The following LUZP1 variants were observed in gnomAD, a reference collection of about 807,000 sequenced individuals.
LUZP1 encodes leucine zipper protein 1, also known as filamin mechanobinding actin cross-linking protein.
Under a neutral mutation model 71.3 loss-of-function variants are expected in LUZP1, and 25 were observed. The ratio of observed to expected loss-of-function variants is 0.35; its 90% confidence interval spans 0.26 to 0.49. The LOEUF (loss-of-function observed/expected upper bound fraction) is 0.49. LUZP1 is among the 20% of genes least tolerant of loss of function. The pLI, the probability that LUZP1 is intolerant of heterozygous loss-of-function variation, is 0.99. For synonymous variants in LUZP1, 481 were observed against 506.4 expected (o/e 0.95, Z 0.67); for missense variants, 1,142 against 1,300.8 (o/e 0.88, Z 1.88).
intron 2 of LUZP1, among the ~76,000 whole-genome samples, chr1:23,132,028 T>G (rs963296337): frequency 9.2e-5 from 14 of 152,038 alleles, no homozygotes; most frequent in African/African-American, 3.1e-4. Context: ...GGAGACAGAG[T>G]CCCACTATGT....
chr1:23,130,553 G>A (rs1305074708), intron 2 of LUZP1, among the ~76,000 whole-genome samples: 1 of 135,516 alleles, frequency 7.4e-6, no homozygotes, highest in Non-Finnish European at 1.5e-5. Flanking sequence ...TTTTAGAGAT[G>A]GGGTCTCACT....
intron 2 of LUZP1, among the ~76,000 whole-genome samples, chr1:23,163,486 T>C (rs1569706603): frequency 6.8e-6 from 1 of 146,258 alleles, no homozygotes; most frequent in Non-Finnish European, 1.5e-5. Context: ...AGCCCAGGAG[T>C]TCAAGGCTGC....
chr1:23,134,904 G>A (rs976107079), intron 2 of LUZP1, among the ~76,000 whole-genome samples: 2 of 152,086 alleles, frequency 1.3e-5, no homozygotes, highest in African/African-American at 4.8e-5. Context: ...GTGCCACAGC[G>A]GTTTGCTGCA....
Position 23,158,892 on chromosome 1 carries a change from G to A in LUZP1, c.-226+9874C>T, listed in dbSNP as rs570825215. Among the ~76,000 whole-genome samples the A allele has an allele frequency of 8.0e-5, 12 of 150,486 alleles. No homozygotes were observed. The East Asian group carries it at 9.7e-4, about 12-fold the overall frequency. On this transcript the variant is annotated intron_variant, in intron 2 of 4. Transcript: ENST00000302291. The stretch of plus-strand genomic sequence containing the variant: ...TGAGGCAGGAGAAGCCCTTGAACCC[G>A]GGAGACAGAGGTTGCAGTGAGCTGA...
At chr1:23,126,950 A>G (rs1644176739) in intron 2 of LUZP1, among the ~76,000 whole-genome samples, 1 of 152,224 alleles carries the variant, frequency 6.6e-6, no homozygotes, top group Non-Finnish European at 1.5e-5. Flanking sequence ...GTCTTTTACT[A>G]TGTGAGAAGT....
At chr1:23,167,419 A>G (rs914885451) in intron 2 of LUZP1, among the ~76,000 whole-genome samples, 2 of 152,170 alleles carry the variant, frequency 1.3e-5, no homozygotes, top group African/African-American at 4.8e-5. Flanking sequence ...AACGACAGAT[A>G]AGGCACCAAG....
chr1:23,098,607 T>C (rs1320611629), intron 3 of LUZP1, among the ~76,000 whole-genome samples: 2 of 152,016 alleles, frequency 1.3e-5, no homozygotes, highest in Non-Finnish European at 1.5e-5. Context: ...TCTGAAGTTG[T>C]TGAGAAGTTA....
At chr1:23,103,010 C>A (rs1395792142) in intron 3 of LUZP1, among the ~76,000 whole-genome samples, 1 of 152,072 alleles carries the variant, frequency 6.6e-6, no homozygotes, top group African/African-American at 2.4e-5. Context: ...CAGCTCACTG[C>A]AGCTTCTACC....
intron 1 of LUZP1, among the ~76,000 whole-genome samples, chr1:23,175,715 C>A (rs1182777598): frequency 2.0e-5 from 3 of 152,196 alleles, no homozygotes; most frequent in Non-Finnish European, 4.4e-5. Context: ...TGTAATACAG[C>A]AAAAGTCCCA....
At chr1:23,163,514 A>C (rs1286107466) in intron 2 of LUZP1, among the ~76,000 whole-genome samples, 1 of 150,858 alleles carries the variant, frequency 6.6e-6, no homozygotes, top group East Asian at 1.9e-4. Flanking sequence ...TATGACTGCC[A>C]CTATACTCCA....
chr1:23,096,352 T>A lies in LUZP1; in HGVS notation c.-119-1972A>T, dbSNP rs544390355. Among the ~76,000 whole-genome samples, 4 of 152,064 alleles carry A rather than the reference T, an allele frequency of 2.6e-5. No individual in the cohort carries two copies. In the South Asian group the frequency reaches 8.3e-4, roughly 32 times the overall value. On this transcript the variant is annotated intron_variant, in intron 3 of 4. Coordinates refer to ENST00000302291, the Ensembl canonical transcript of LUZP1. ...GAGAGGTTAACAGATGGGGAAATAA[T>A]TAAAAAGGTCCAAAACAAGGAAGTT...
intron 2 of LUZP1, among the ~76,000 whole-genome samples, chr1:23,132,239 C>T (rs1644220885): frequency 6.6e-6 from 1 of 152,162 alleles, no homozygotes; most frequent in Admixed American, 6.5e-5. Context: ...AGGCATCATT[C>T]TAATTTCTTA....
chr1:23,091,818 C>T, exon 4 of LUZP1: 2 of 1,614,140 alleles, frequency 1.2e-6, no homozygotes, highest in Non-Finnish European at 1.7e-6. Context: ...GTGCCTCTCC[C>T]TCAGGGCCTC....
intron 1 of LUZP1, among the ~76,000 whole-genome samples, chr1:23,171,750 G>C (rs1644554206): frequency 6.6e-6 from 1 of 152,172 alleles, no homozygotes; most frequent in South Asian, 2.1e-4. Context: ...AGTAATCATG[G>C]CTGTAAGATT....
chr1:23,103,454 G>A (rs1643947733), intron 3 of LUZP1, among the ~76,000 whole-genome samples: 7 of 152,092 alleles, frequency 4.6e-5, no homozygotes, highest in Admixed American at 4.6e-4. Flanking sequence ...CTTCATGTTG[G>A]AAAGGATTTA....
At chr1:23,149,582 T>C (rs1644367566) in intron 2 of LUZP1, among the ~76,000 whole-genome samples, 1 of 152,168 alleles carries the variant, frequency 6.6e-6, no homozygotes, top group Non-Finnish European at 1.5e-5. Context: ...AATGTGCATT[T>C]ACAGTAGTGT....
At chr1:23,091,030 G>C in intron 4 of LUZP1, 160 bp downstream of exon 3, 1 of 810,374 alleles carries the variant, frequency 1.2e-6, no homozygotes. Flanking sequence ...TTAGGAGAAA[G>C]GTCAAACCCC....
chr1:23,092,480 G>A, exon 4 of LUZP1: 1 of 1,614,152 alleles, frequency 6.2e-7, no homozygotes, highest in Non-Finnish European at 8.5e-7. Flanking sequence ...TGGAATTCGG[G>A]CAACTGTTAT....
Position 23,145,468 on chromosome 1 carries a change from C to CTT in LUZP1, c.-226+23296_-226+23297dup, listed in dbSNP as rs869293750. On this transcript the variant is annotated intron_variant, in intron 2 of 4. Transcript: ENST00000302291. ...CCTATGAGGCAGATACTATTAATCT[C>CTT]TTTTTTTTTTTTTTTTTTGAGACGG... Among the ~76,000 whole-genome samples, 70 of 135,106 alleles carry CTT rather than the reference C, an allele frequency of 5.2e-4. 1 individual carries two copies. Among genetic ancestry groups the CTT allele is most frequent in the Middle Eastern group, 4.1e-3 (1 of 244 alleles). 88.6% of individuals were successfully genotyped at this position (135,106 alleles called of 152,430 possible).
Sources: gnomAD v4.1 joint callset for allele counts (sites outside exome capture counted in the v4.1 genomes callset) on GRCh38, gnomAD v4.1.1 for gene constraint, MANE v1.5 for transcripts, NCBI Gene and HGNC (gene_info 2026-07-23, HGNC 2026-07-21) for gene names.